The following HMG20B variants were observed in gnomAD, a reference collection of about 807,000 sequenced individuals.
The protein encoded by HMG20B is high mobility group 20B.
HMG20B carries 24 observed loss-of-function variants against 41.6 expected under a neutral mutation model. That is an observed-to-expected ratio of 0.58 (90% CI 0.42 to 0.81). The LOEUF (loss-of-function observed/expected upper bound fraction) is 0.81, where lower values mean the gene tolerates loss of function less well. HMG20B is among the 30% of genes least tolerant of loss of function. HMG20B has a pLI of 0.00. For missense variants in HMG20B, 461 were observed against 444.0 expected (o/e 1.04, Z -0.34); for synonymous variants, 251 against 186.6 (o/e 1.34, Z -2.81).
intron 3 of HMG20B, 99 bp downstream of exon 3, chr19:3,573,899 A>G (rs1035095403): frequency 2.6e-6 from 3 of 1,132,610 alleles, no homozygotes; most frequent in Middle Eastern, 1.9e-4. Context: ...GGCTCCGCCC[A>G]CAGCCCATTT....
rs1207147787 is a variant in HMG20B at position 3,577,073 on chromosome 19, G to A, written c.774G>A (p.Ala258=). 7.8e-6 allele frequency: 12 copies of A among 1,541,424 alleles called. No homozygotes were observed. In the Admixed American group the frequency reaches 2.4e-4, roughly 30 times the overall value. The change falls in exon 8 of 10, where the codon GCG becomes GCA. Residue 258 remains alanine, a synonymous_variant. Transcript: ENST00000333651. The stretch of plus-strand genomic sequence containing the variant: ...AGCAGCTCCAGGCCGTGCGCCAGGC[G>A]CTCACCGCCAGCTTCGCCTCACTGC... ...LQQQLQAVRQ[A]LTASFASLPV... is the part of the protein sequence containing the mutation.
chr19:3,578,735 A>G lies in HMG20B; in HGVS notation c.*214A>G, dbSNP rs1461200102. 8 of 774,810 alleles carry G rather than the reference A, an allele frequency of 1.0e-5. No individual in the cohort carries two copies. In the East Asian group the frequency reaches 1.8e-4, roughly 17 times the overall value. 48.0% of individuals were successfully genotyped at this position (774,810 alleles called of 1,614,324 possible). On this transcript the variant is annotated 3_prime_UTR_variant, in exon 10 of 10. Coordinates refer to ENST00000333651, the MANE Select transcript of HMG20B (RefSeq NM_006339.3). ...ACCCGGAAAAAGCACTCGCTGCGCGATACACCCAGAAGAACCTCACAGCCG... is the reference window on the plus strand; with the variant it reads ...ACCCGGAAAAAGCACTCGCTGCGCGGTACACCCAGAAGAACCTCACAGCCG...
intron 2 of HMG20B, 151 bp from the exon 3 acceptor site, chr19:3,573,541 T>C: frequency 1.1e-6 from 1 of 893,212 alleles, no homozygotes; most frequent in Non-Finnish European, 1.6e-6. Flanking sequence ...TGTCCCACCT[T>C]CCCCGGATAC....
intron 6 of HMG20B, 23 bp downstream of exon 6, chr19:3,576,330 A>G (rs756013998): frequency 1.2e-6 from 2 of 1,609,722 alleles, no homozygotes; most frequent in Non-Finnish European, 8.5e-7. Context: ...CTTCCTCTCA[A>G]AGCACCTGGG....
At chr19:3,573,444 A>G in intron 2 of HMG20B, 97 bp downstream of exon 2, 2 of 1,295,098 alleles carry the variant, frequency 1.5e-6, no homozygotes, top group Non-Finnish European at 2.1e-6. Flanking sequence ...CGGAGTCTTG[A>G]CTCCCCCACC....
intron 4 of HMG20B, 58 bp downstream of exon 4, chr19:3,574,644 G>T (rs544620225): frequency 1.4e-5 from 20 of 1,449,552 alleles, no homozygotes; most frequent in Admixed American, 2.1e-5. Context: ...CCCCCCAGTA[G>T]CCCCGACCCC....
intron 2 of HMG20B, 55 bp from the exon 3 acceptor site, chr19:3,573,637 T>G: frequency 1.9e-5 from 26 of 1,396,526 alleles, no homozygotes; most frequent in Non-Finnish European, 2.1e-5. Context: ...GGGGTGGGCT[T>G]TTGGGGGAGG....
chr19:3,573,567 C>T (rs1403028067), intron 2 of HMG20B, 125 bp from the exon 3 acceptor site: 3 of 979,848 alleles, frequency 3.1e-6, no homozygotes, highest in Admixed American at 3.3e-5. Flanking sequence ...CCATCAGACC[C>T]TGCCTCCTCG....
chr19:3,578,450 C>T (rs1741821656), intron 9 of HMG20B, 59 bp from the exon 10 acceptor site: 2 of 1,466,218 alleles, frequency 1.4e-6, no homozygotes, highest in South Asian at 2.9e-5. Context: ...TTCCCCAGGG[C>T]CGGGGTGGGG....
At position 3,579,042 on chromosome 19, in the gene HMG20B, TCC is replaced by T. The variant is rs1345182632; in HGVS notation, c.*522_*523del. On this transcript the variant is annotated 3_prime_UTR_variant, in exon 10 of 10. Transcript: ENST00000333651. This position sits in a 1 kb window ranked among gnomAD's most constrained non-coding sequence, Gnocchi z 7.4. Reference sequence around the variant, plus strand: ...GGGGTGGCTCCTTCTCACTGCTGGATCCGGACTTTTTAAATAAAAACAAGTAA... The same window carrying T: ...GGGGTGGCTCCTTCTCACTGCTGGATGGACTTTTTAAATAAAAACAAGTAA... The T allele has an allele frequency of 2.4e-5, 8 of 339,988 alleles. No homozygotes were observed. The highest frequency in any genetic ancestry group is 4.1e-5 in the Non-Finnish European group (7 of 171,214). 21.1% of individuals were successfully genotyped at this position (339,988 alleles called of 1,614,324 possible). A position where few individuals can be genotyped will look rare whatever the true frequency, so the allele number is the denominator to read the frequency against.
chr19:3,578,369 T>G (rs2032219910), intron 9 of HMG20B, 140 bp from the exon 10 acceptor site: 2 of 1,288,010 alleles, frequency 1.6e-6, no homozygotes, highest in Non-Finnish European at 2.1e-6. Flanking sequence ...GCGCCCGGGT[T>G]AGATAGGTTC....
At position 3,573,367 on chromosome 19, in the gene HMG20B, C is replaced by T. The variant is rs750780394; in HGVS notation, c.38+20C>T. 1.1e-5 allele frequency: 16 copies of T among 1,520,180 alleles called. No individual in the cohort carries two copies. In the South Asian group the frequency reaches 1.8e-4, roughly 17 times the overall value. The allele number at this position is 1,520,180 out of a possible 1,614,324, so 94.2% of individuals were successfully genotyped here. A position where few individuals can be genotyped will look rare whatever the true frequency, so the allele number is the denominator to read the frequency against. Reference sequence around the variant, plus strand: ...CGCCGCGTGAGTGCACTGATCCCCTCCCCACGCCCTCGCTACTTTCCCGGC... The same window carrying T: ...CGCCGCGTGAGTGCACTGATCCCCTTCCCACGCCCTCGCTACTTTCCCGGC... On this transcript the variant is annotated intron_variant, in intron 2 of 9. Coordinates refer to ENST00000333651, the MANE Select transcript of HMG20B (RefSeq NM_006339.3).
Position 3,578,652 on chromosome 19 carries a change from C to T in HMG20B, c.*131C>T, listed in dbSNP as rs773760099. On this transcript the variant is annotated 3_prime_UTR_variant, in exon 10 of 10. Coordinates refer to ENST00000333651, the MANE Select transcript of HMG20B (RefSeq NM_006339.3). ...ATCCTGCACCTTGGGGGCTCCAGCC[C>T]CCCTAAAATTAAATTTCTGCAGCAT... is the stretch of plus-strand genomic sequence containing the variant. 21 of 1,211,534 alleles carry T rather than the reference C, an allele frequency of 1.7e-5. No homozygotes were observed. In the East Asian group the frequency reaches 4.8e-4, roughly 28 times the overall value. The allele number at this position is 1,211,534 out of a possible 1,614,324, so 75.0% of individuals were successfully genotyped here.
In HMG20B at chr19:3,576,554, G is replaced by A; in HGVS notation, c.521G>A (p.Gly174Asp). The A allele has an allele frequency of 6.2e-7, 1 of 1,612,958 alleles. No individual in the cohort carries two copies. The highest frequency in any genetic ancestry group is 1.1e-5 in the South Asian group (1 of 90,864). ...LMNTLLNGHK[G>D]GDCDGFSTFD... ...TGCCACCTTGTCCCTTCGTCTTAGG[G>A]TGGGGACTGCGATGGCTTCTCCACC... The change falls in exon 7 of 10, where the codon GGT (glycine) becomes GAT (aspartate). Residue 174 changes from glycine (G) to aspartate (D), a missense_variant and splice_region_variant. Transcript: ENST00000333651.
At chr19:3,578,473 G>T in intron 9 of HMG20B, 36 bp from the exon 10 acceptor site, 1 of 1,503,314 alleles carries the variant, frequency 6.7e-7, no homozygotes, top group Non-Finnish European at 8.9e-7. Flanking sequence ...CAGAGATGAT[G>T]AGGGCCTCAT....
chr19:3,577,434 C>A (rs938091965), intron 8 of HMG20B, among the ~76,000 whole-genome samples: 1 of 149,538 alleles, frequency 6.7e-6, no homozygotes, highest in East Asian at 2.0e-4. Flanking sequence ...CCGACGCGTC[C>A]CCGCTTACTC....
chr19:3,575,115 G>T (rs1281882932), intron 4 of HMG20B, among the ~76,000 whole-genome samples: 1 of 152,142 alleles, frequency 6.6e-6, no homozygotes, highest in Non-Finnish European at 1.5e-5. Flanking sequence ...GATGGGGCCT[G>T]GATTTTTTGC....
At chr19:3,574,727 T>G (rs150645340) in intron 4 of HMG20B, 141 bp downstream of exon 4, 68,199 of 747,452 alleles carry the variant, frequency 0.091, 4,523 homozygotes, top group South Asian at 0.2. Flanking sequence ...TTTTTTTTTT[T>G]TTTTTTTGTG....
intron 3 of HMG20B, chr19:3,574,083 C>G (rs2032102955): frequency 3.1e-6 from 2 of 638,632 alleles, no homozygotes; most frequent in South Asian, 3.4e-5. Flanking sequence ...TGGGCCCGTT[C>G]TCCAGCAGAA....
Sources: gnomAD v4.1 joint callset for allele counts (sites outside exome capture counted in the v4.1 genomes callset) on GRCh38, gnomAD v4.1.1 for gene constraint, Gnocchi (gnomAD v3.1) non-coding constraint, MANE v1.5 for transcripts, NCBI Gene and HGNC (gene_info 2026-07-23, HGNC 2026-07-21) for gene names.